DLG2: variants seen among roughly 807,000 people sequenced by gnomAD.
The protein encoded by DLG2 is disks large homolog 2.
DLG2 carries 45 observed loss-of-function variants against 132.5 expected under a neutral mutation model. The ratio of observed to expected loss-of-function variants is 0.34; its 90% CI spans 0.27 to 0.44. The LOEUF (loss-of-function observed/expected upper bound fraction) is 0.44. Ranked by LOEUF, DLG2 falls within the 20% of genes least tolerant of loss-of-function variation. The pLI, the probability that DLG2 is intolerant of heterozygous loss-of-function variation, is 1.00. For missense variants in DLG2, 1,045 were observed against 1,196.9 expected (o/e 0.87, Z 1.87); for synonymous variants, 424 against 419.6 (o/e 1.01, Z -0.13).
chr11:84,968,794 A>G (rs1199817225), intron 6 of DLG2, among the ~76,000 whole-genome samples: 2 of 152,174 alleles, frequency 1.3e-5, no homozygotes, highest in Non-Finnish European at 2.9e-5. Context: ...GCTACCCAAC[A>G]TGTTAGTGGC....
intron 7 of DLG2, among the ~76,000 whole-genome samples, chr11:84,448,012 CA>C (rs1349949237): frequency 2.0e-5 from 3 of 152,110 alleles, no homozygotes; most frequent in Non-Finnish European, 2.9e-5. Flanking sequence ...TAAATAAGGC[CA>C]TTTTTTTGAA....
chr11:84,564,736 G>C (rs759973732), intron 6 of DLG2, among the ~76,000 whole-genome samples: 1 of 152,144 alleles, frequency 6.6e-6, no homozygotes, highest in Non-Finnish European at 1.5e-5. Context: ...TGTCTCCTAA[G>C]AGTATGATTC....
In DLG2 at chr11:83,617,856, G is replaced by C. The variant is rs887630549; in HGVS notation, c.1940+15355C>G. ...TACTAAAAATACAAAAATTAGCCAA[G>C]CATGGTGGTGCATGGCTATAGTCCC... On this transcript the variant is annotated intron_variant, in intron 19 of 27. Coordinates refer to ENST00000376104, the MANE Select transcript of DLG2 (RefSeq NM_001142699.3). 2.6e-5 allele frequency among the ~76,000 whole-genome samples: 4 copies of C among 152,100 alleles called. No individual in the cohort carries two copies. The South Asian group carries it at 8.3e-4, about 32-fold the overall frequency.
At chr11:84,413,051 CCTA>C (rs1291990036) in intron 7 of DLG2, among the ~76,000 whole-genome samples, 1 of 152,166 alleles carries the variant, frequency 6.6e-6, no homozygotes. Flanking sequence ...GTCTTTCAAT[CCTA>C]CTGACACAAT....
chr11:85,465,750 G>C (rs2092767786), intron 3 of DLG2, among the ~76,000 whole-genome samples: 1 of 152,060 alleles, frequency 6.6e-6, no homozygotes, highest in South Asian at 2.1e-4. Flanking sequence ...ATTGTGAATA[G>C]TGCCACAATA....
intron 7 of DLG2, among the ~76,000 whole-genome samples, chr11:84,497,798 A>T (rs2099189115): frequency 6.6e-6 from 1 of 152,162 alleles, no homozygotes; most frequent in Non-Finnish European, 1.5e-5. Flanking sequence ...CCTCCACTGA[A>T]TGTCAGTTCT....
intron 3 of DLG2, among the ~76,000 whole-genome samples, chr11:85,529,125 C>A (rs1398061805): frequency 6.6e-6 from 1 of 152,182 alleles, no homozygotes; most frequent in Non-Finnish European, 1.5e-5. Context: ...TATATGCACA[C>A]ACAATTGTTG....
At chr11:85,396,946 C>T (rs577586510) in intron 3 of DLG2, among the ~76,000 whole-genome samples, 60 of 152,152 alleles carry the variant, frequency 3.9e-4, no homozygotes, top group South Asian at 1.5e-3. Context: ...AGATACTCCT[C>T]GAGAAGAGCA....
At chr11:84,409,694 C>T (rs970180566) in intron 7 of DLG2, among the ~76,000 whole-genome samples, 1 of 152,116 alleles carries the variant, frequency 6.6e-6, no homozygotes, top group Non-Finnish European at 1.5e-5. Flanking sequence ...CTTCCTACCA[C>T]CTTATCAGGG....
At chr11:83,508,880 G>C (rs1454887133) in intron 21 of DLG2, among the ~76,000 whole-genome samples, 1 of 152,186 alleles carries the variant, frequency 6.6e-6, no homozygotes, top group Non-Finnish European at 1.5e-5. Context: ...GATTCTTCCA[G>C]GGCTTAGCAG....
chr11:84,800,906 A>G (rs2075289090), intron 6 of DLG2, among the ~76,000 whole-genome samples: 1 of 152,210 alleles, frequency 6.6e-6, no homozygotes, highest in African/African-American at 2.4e-5. Flanking sequence ...CATGATTTAT[A>G]AAATCCATGA....
intron 8 of DLG2, among the ~76,000 whole-genome samples, chr11:84,175,770 G>T (rs1454017): frequency 2.0e-5 from 3 of 151,944 alleles, no homozygotes; most frequent in East Asian, 3.9e-4. Context: ...CTGTGATTTT[G>T]GAAAAATGCT....
intron 18 of DLG2, among the ~76,000 whole-genome samples, chr11:83,718,192 T>A (rs1476000702): frequency 6.6e-6 from 1 of 151,930 alleles, no homozygotes; most frequent in Non-Finnish European, 1.5e-5. Flanking sequence ...CAATTGGGAG[T>A]AGAGACGGCT....
chr11:85,415,610 G>A (rs907494008), intron 3 of DLG2, among the ~76,000 whole-genome samples: 3 of 152,122 alleles, frequency 2.0e-5, no homozygotes, highest in African/African-American at 4.8e-5. Flanking sequence ...CTAATGACCA[G>A]TGTTGATGAG....
intron 6 of DLG2, among the ~76,000 whole-genome samples, chr11:84,719,438 C>T (rs2061559920): frequency 6.6e-6 from 1 of 152,142 alleles, no homozygotes; most frequent in African/African-American, 2.4e-5. Flanking sequence ...ACTGGCTTTT[C>T]ACAACAAAAA....
intron 3 of DLG2, among the ~76,000 whole-genome samples, chr11:85,358,233 T>G (rs1299859287): frequency 1.3e-5 from 2 of 152,130 alleles, no homozygotes; most frequent in Non-Finnish European, 2.9e-5. Flanking sequence ...ATCACAGAAG[T>G]AGATACTGGG....
intron 6 of DLG2, among the ~76,000 whole-genome samples, chr11:84,825,817 ATCAG>A (rs1425617499): frequency 6.6e-6 from 1 of 151,920 alleles, no homozygotes; most frequent in African/African-American, 2.4e-5. Context: ...CACCTTCTTC[ATCAG>A]TCAGTCACAG....
chr11:84,069,208 C>A (rs2096721304), intron 10 of DLG2, among the ~76,000 whole-genome samples: 1 of 152,154 alleles, frequency 6.6e-6, no homozygotes, highest in African/African-American at 2.4e-5. Context: ...AGACCATACT[C>A]CAAAAACCAC....
intron 18 of DLG2, among the ~76,000 whole-genome samples, chr11:83,758,619 T>C (rs901748443): frequency 6.6e-6 from 1 of 152,114 alleles, no homozygotes; most frequent in African/African-American, 2.4e-5. Flanking sequence ...ATGTGTACCA[T>C]AAAGAGAATA....
Sources: allele counts gnomAD v4.1 joint callset (sites outside exome capture counted in the v4.1 genomes callset), GRCh38; gene constraint gnomAD v4.1.1; transcripts MANE v1.5; gene names NCBI Gene and HGNC (gene_info 2026-07-23, HGNC 2026-07-21).